EYA4: variants seen among roughly 807,000 people sequenced by gnomAD.
EYA4 encodes the protein protein phosphatase EYA4.
Under a neutral mutation model 87.9 loss-of-function variants are expected in EYA4, and 31 were observed. That is an observed-to-expected ratio of 0.35 (90% CI 0.27 to 0.48). The LOEUF is 0.48. Among genes scored for constraint, EYA4 ranks in the 20% least tolerant of loss-of-function variants. The probability of loss-of-function intolerance (pLI) is 0.99; values close to 1 mark genes in which losing one functional copy is unlikely to be tolerated. For missense variants in EYA4, 678 were observed against 761.4 expected (o/e 0.89, Z 1.29); for synonymous variants, 263 against 270.6 (o/e 0.97, Z 0.28).
intron 13 of EYA4, among the ~76,000 whole-genome samples, chr6:133,491,241 T>C (rs1007280610): frequency 6.6e-6 from 1 of 152,026 alleles, no homozygotes; most frequent in East Asian, 1.9e-4. Flanking sequence ...GCTATAATTG[T>C]CTGCATCAAA....
intron 3 of EYA4, among the ~76,000 whole-genome samples, chr6:133,410,221 T>A (rs1789090695): frequency 6.6e-6 from 1 of 152,110 alleles, no homozygotes; most frequent in African/African-American, 2.4e-5. Context: ...TACTAAAACT[T>A]GTCTAAGTAA....
At chr6:133,278,636 C>T (rs6928449) in intron 2 of EYA4, among the ~76,000 whole-genome samples, 3,834 of 152,208 alleles carry the variant, frequency 0.025, 127 homozygotes, top group African/African-American at 0.081. Context: ...ATTCGACTCA[C>T]TTAAAAAATT....
intron 12 of EYA4, 48 bp downstream of exon 12, chr6:133,481,647 C>G: frequency 3.2e-6 from 5 of 1,580,244 alleles, no homozygotes; most frequent in African/African-American, 2.7e-5. Context: ...TTTATTTTAC[C>G]GAATGATACA....
chr6:133,274,306 G>A (rs565226072), intron 1 of EYA4, among the ~76,000 whole-genome samples: 6 of 152,246 alleles, frequency 3.9e-5, no homozygotes, highest in African/African-American at 1.4e-4. Context: ...AGAGAAAGTT[G>A]TCATATTAAA....
At chr6:133,264,850 G>C (rs1482663666) in intron 1 of EYA4, among the ~76,000 whole-genome samples, 3 of 152,082 alleles carry the variant, frequency 2.0e-5, no homozygotes. Context: ...TTTCTCTAGA[G>C]AGAGAGGGTC....
intron 3 of EYA4, among the ~76,000 whole-genome samples, chr6:133,393,392 TAGAAGG>T (rs1348839340): frequency 1.4e-4 from 22 of 152,264 alleles, no homozygotes; most frequent in African/African-American, 5.1e-4. Flanking sequence ...AGGAGTATGT[TAGAAGG>T]TAATACATAA....
chr6:133,372,300 C>T (rs1194115315), intron 2 of EYA4, among the ~76,000 whole-genome samples: 1 of 151,848 alleles, frequency 6.6e-6, no homozygotes, highest in Non-Finnish European at 1.5e-5. Flanking sequence ...TTTAATTTGA[C>T]AATTTGAGTA....
chr6:133,310,462 G>T (rs539703579), intron 2 of EYA4, among the ~76,000 whole-genome samples: 3 of 152,238 alleles, frequency 2.0e-5, no homozygotes, highest in Admixed American at 6.5e-5. Flanking sequence ...TACAGATTTA[G>T]TTTGAAGTTT....
chr6:133,478,308 A>G (rs540901610), intron 11 of EYA4, among the ~76,000 whole-genome samples: 2 of 152,248 alleles, frequency 1.3e-5, no homozygotes, highest in African/African-American at 4.8e-5. Context: ...CCAGGTATGC[A>G]TACCCAAGAA....
At chr6:133,300,269 A>G (rs1009594019) in intron 2 of EYA4, among the ~76,000 whole-genome samples, 2 of 152,066 alleles carry the variant, frequency 1.3e-5, no homozygotes, top group African/African-American at 4.8e-5. Flanking sequence ...CAGAGATGAA[A>G]GAAAATCCAC....
intron 11 of EYA4, among the ~76,000 whole-genome samples, chr6:133,479,467 A>G (rs1390746403): frequency 1.3e-5 from 2 of 152,220 alleles, no homozygotes; most frequent in Non-Finnish European, 2.9e-5. Flanking sequence ...AGAAAATGTT[A>G]GAGGTTACCC....
At chr6:133,318,235 A>G (rs139512206) in intron 2 of EYA4, among the ~76,000 whole-genome samples, 156 of 152,250 alleles carry the variant, frequency 1.0e-3, no homozygotes, top group East Asian at 1.5e-3. Flanking sequence ...GGACCCTTCT[A>G]TGGGTGTGAC....
intron 13 of EYA4, among the ~76,000 whole-genome samples, chr6:133,496,537 A>T (rs77776507): frequency 0.013 from 2,033 of 152,254 alleles, 51 homozygotes; most frequent in African/African-American, 0.046. Context: ...GGTGTTCCTG[A>T]ATCCTGGAGC....
chr6:133,503,223 G>A (rs897479658), intron 13 of EYA4, among the ~76,000 whole-genome samples: 2 of 152,164 alleles, frequency 1.3e-5, no homozygotes, highest in African/African-American at 4.8e-5. Flanking sequence ...GTAGCACAGA[G>A]TTACGTACTT....
intron 2 of EYA4, among the ~76,000 whole-genome samples, chr6:133,368,180 A>G (rs542170134): frequency 5.2e-4 from 79 of 152,314 alleles, no homozygotes; most frequent in African/African-American, 1.7e-3. Context: ...CTCATCAGAA[A>G]AATTATAGTT....
chr6:133,286,944 C>T (rs993981817), intron 2 of EYA4, among the ~76,000 whole-genome samples: 1 of 152,068 alleles, frequency 6.6e-6, no homozygotes, highest in Admixed American at 6.6e-5. Flanking sequence ...TATTTAGCAG[C>T]ATCTCTGGTA....
chr6:133,434,811 TAG>T (rs1237446370), intron 3 of EYA4, among the ~76,000 whole-genome samples: 1 of 152,212 alleles, frequency 6.6e-6, no homozygotes, highest in Admixed American at 6.5e-5. Context: ...TCTTTACTGG[TAG>T]AGTTTTTTCT....
chr6:133,423,947 G>T (rs1202716746), intron 3 of EYA4, among the ~76,000 whole-genome samples: 2 of 152,162 alleles, frequency 1.3e-5, no homozygotes, highest in Non-Finnish European at 2.9e-5. Context: ...ATAAAGATGA[G>T]TTTTATTTAG....
At chr6:133,333,674 T>A (rs917015531) in intron 2 of EYA4, among the ~76,000 whole-genome samples, 4 of 152,194 alleles carry the variant, frequency 2.6e-5, no homozygotes, top group Non-Finnish European at 4.4e-5. Flanking sequence ...CACAGCAATG[T>A]CTAACACCAA....
Sources: allele counts gnomAD v4.1 joint callset (sites outside exome capture counted in the v4.1 genomes callset), GRCh38; gene constraint gnomAD v4.1.1; transcripts MANE v1.5; gene names NCBI Gene and HGNC (gene_info 2026-07-23, HGNC 2026-07-21).